TACR1: variants seen among roughly 807,000 people sequenced by gnomAD.
The protein encoded by TACR1 is substance-P receptor.
Under a neutral mutation model 35.8 loss-of-function variants are expected in TACR1, and 25 were observed. The observed-to-expected ratio is 0.70, with a 90% confidence interval of 0.51 to 0.98. The LOEUF is 0.98. Ranked by LOEUF, TACR1 falls within the 50% of genes least tolerant of loss-of-function variation. The probability of loss-of-function intolerance (pLI) is 0.00; values close to 1 mark genes in which losing one functional copy is unlikely to be tolerated. For synonymous variants in TACR1, 195 were observed against 206.7 expected, an observed-to-expected ratio of 0.94 and a Z score of 0.48; for missense variants, 478 against 522.9, an observed-to-expected ratio of 0.91 and a Z score of 0.84.
chr2:75,051,198 G>T (rs916179342), intron 4 of TACR1, 53 bp downstream of exon 4: 1 of 1,612,540 alleles, frequency 6.2e-7, no homozygotes, highest in African/African-American at 1.3e-5. Context: ...TGGCCACTGT[G>T]TATGTAGATG....
chr2:75,097,726 A>ATT (rs542041374), intron 2 of TACR1, among the ~76,000 whole-genome samples: 14 of 152,132 alleles, frequency 9.2e-5, no homozygotes, highest in Non-Finnish European at 1.8e-4. Context: ...TCCAAGAGAT[A>ATT]TTTTGTTTTT....
chr2:75,130,332 G>A (rs953123708), intron 1 of TACR1, among the ~76,000 whole-genome samples: 1 of 152,188 alleles, frequency 6.6e-6, no homozygotes, highest in Non-Finnish European at 1.5e-5. Flanking sequence ...GGCACCTGAT[G>A]TACCAGTCTG....
At chr2:75,064,071 T>G (rs1573461907) in intron 2 of TACR1, among the ~76,000 whole-genome samples, 1 of 150,692 alleles carries the variant, frequency 6.6e-6, no homozygotes, top group South Asian at 2.1e-4. Context: ...TACAGATTCT[T>G]TCTTGGGCAG....
chr2:75,120,706 A>C lies in TACR1; in HGVS notation c.452T>G (p.Ile151Ser). ...RLSATATKVV[I>S]CVIWVLALLL... ...GAGAGCCAGGACCCAGATGACACAG[A>C]TGACCACTTTGGTGGCTGTGGCTGA... The change falls in exon 2 of 5, where the codon ATC (isoleucine) becomes AGC (serine). Residue 151 changes from isoleucine to serine, a missense_variant. Physicochemically the swap from Ile to Ser is moderately radical, Grantham distance 142 (BLOSUM62 -2). Coordinates refer to ENST00000305249, the MANE Select transcript of TACR1 (RefSeq NM_001058.4). 3 of 1,614,044 alleles carry C rather than the reference A, an allele frequency of 1.9e-6. No individual in the cohort carries two copies. Among genetic ancestry groups the C allele is most frequent in the Non-Finnish European group, 2.5e-6 (3 of 1,179,994 alleles).
intron 2 of TACR1, among the ~76,000 whole-genome samples, chr2:75,114,133 A>G (rs1400360837): frequency 6.6e-6 from 1 of 152,210 alleles, no homozygotes; most frequent in Non-Finnish European, 1.5e-5. Flanking sequence ...ATATTCACTC[A>G]CATTTCCACA....
At chr2:75,050,971 C>G in intron 4 of TACR1, 1 of 451,316 alleles carries the variant, frequency 2.2e-6, no homozygotes, top group Non-Finnish European at 4.1e-6. Context: ...TTTAATTCCC[C>G]CACTAGCTGC....
chr2:75,116,484 A>G (rs1338572756), intron 2 of TACR1, among the ~76,000 whole-genome samples: 14 of 152,184 alleles, frequency 9.2e-5, no homozygotes, highest in Admixed American at 8.5e-4. Flanking sequence ...ATTAAGAGCA[A>G]TGCTGATGGG....
At chr2:75,126,628 A>G (rs759841747) in intron 1 of TACR1, among the ~76,000 whole-genome samples, 17 of 152,206 alleles carry the variant, frequency 1.1e-4, no homozygotes, top group Non-Finnish European at 2.2e-4. Flanking sequence ...CAACAAAAGC[A>G]AAAATTGACA....
chr2:75,055,760 G>C (rs962914641), intron 2 of TACR1, among the ~76,000 whole-genome samples: 1 of 152,154 alleles, frequency 6.6e-6, no homozygotes, highest in Non-Finnish European at 1.5e-5. Context: ...CCTCAAACTC[G>C]AGTGGGCTTC....
intron 1 of TACR1, among the ~76,000 whole-genome samples, chr2:75,182,145 T>C (rs997898524): frequency 6.6e-6 from 1 of 152,220 alleles, no homozygotes; most frequent in Non-Finnish European, 1.5e-5. Flanking sequence ...GCCTCTCGCC[T>C]GTGTTTCAGA....
intron 2 of TACR1, among the ~76,000 whole-genome samples, chr2:75,079,652 G>A (rs1193787261): frequency 6.6e-6 from 1 of 151,728 alleles, no homozygotes; most frequent in East Asian, 1.9e-4. Context: ...TTCTCTTGAA[G>A]GTTCCCCCAC....
intron 1 of TACR1, chr2:75,187,864 G>A (rs180688886): frequency 5.3e-5 from 8 of 152,334 alleles, no homozygotes; most frequent in Admixed American, 2.6e-4. Context: ...GGATCACAGT[G>A]TCCTAATTGG....
intron 1 of TACR1, among the ~76,000 whole-genome samples, chr2:75,185,852 C>T (rs542331524): frequency 6.6e-6 from 1 of 152,250 alleles, no homozygotes; most frequent in South Asian, 2.1e-4. Context: ...CATCCATGTG[C>T]GCTAGTTTTG....
intron 2 of TACR1, among the ~76,000 whole-genome samples, chr2:75,093,143 GCA>G (rs1285598001): frequency 6.6e-6 from 1 of 152,146 alleles, no homozygotes; most frequent in Non-Finnish European, 1.5e-5. Context: ...ACAATATGTT[GCA>G]GTTTCATTAT....
intron 2 of TACR1, among the ~76,000 whole-genome samples, chr2:75,112,383 C>G (rs764181627): frequency 2.0e-5 from 3 of 151,934 alleles, no homozygotes; most frequent in Admixed American, 6.6e-5. Context: ...CTTTATCAAA[C>G]TGCCTAAACG....
At chr2:75,167,752 A>G (rs1252459172) in intron 1 of TACR1, among the ~76,000 whole-genome samples, 1 of 152,232 alleles carries the variant, frequency 6.6e-6, no homozygotes. Flanking sequence ...AAAAGATCTC[A>G]GAAAAATTAA....
intron 1 of TACR1, among the ~76,000 whole-genome samples, chr2:75,165,686 A>G (rs1298875179): frequency 1.3e-5 from 2 of 152,178 alleles, no homozygotes; most frequent in Non-Finnish European, 2.9e-5. Context: ...TGCCCCTAAA[A>G]GTGAGTTCTC....
intron 1 of TACR1, among the ~76,000 whole-genome samples, chr2:75,153,756 G>C (rs973048945): frequency 6.6e-6 from 1 of 152,162 alleles, no homozygotes; most frequent in Non-Finnish European, 1.5e-5. Context: ...GATCCAGGTG[G>C]ACCAACCAGG....
intron 1 of TACR1, among the ~76,000 whole-genome samples, chr2:75,153,890 A>C (rs1674734051): frequency 6.6e-6 from 1 of 150,806 alleles, no homozygotes; most frequent in Non-Finnish European, 1.5e-5. Flanking sequence ...AATCAGATTC[A>C]TTAAATTTTT....
Sources: allele counts gnomAD v4.1 joint callset (sites outside exome capture counted in the v4.1 genomes callset), GRCh38; gene constraint gnomAD v4.1.1; transcripts MANE v1.5; gene names NCBI Gene and HGNC (gene_info 2026-07-23, HGNC 2026-07-21).